Variants in EMILIN2 observed in about 807,000 individuals in gnomAD.
EMILIN2 encodes the protein EMILIN-2.
Under a neutral mutation model 87.1 loss-of-function variants are expected in EMILIN2, and 71 were observed. The observed-to-expected ratio is 0.82, with a 90% CI of 0.67 to 0.99. The LOEUF (loss-of-function observed/expected upper bound fraction) is 0.99. Ranked by LOEUF, EMILIN2 falls within the 50% of genes least tolerant of loss-of-function variation. EMILIN2 has a pLI of 0.00. For synonymous variants in EMILIN2, 581 were observed against 563.4 expected, an observed-to-expected ratio of 1.03 and a Z score of -0.44; for missense variants, 1,407 against 1,371.8, an observed-to-expected ratio of 1.03 and a Z score of -0.40.
chr18:2,903,837 G>A (rs1263486591), intron 4 of EMILIN2, among the ~76,000 whole-genome samples: 1 of 151,970 alleles, frequency 6.6e-6, no homozygotes, highest in Admixed American at 6.6e-5. Context: ...ACCTGGACTG[G>A]TTATTTTCTA....
At chr18:2,876,547 A>T (rs558935032) in intron 2 of EMILIN2, among the ~76,000 whole-genome samples, 2 of 146,994 alleles carry the variant, frequency 1.4e-5, no homozygotes, top group African/African-American at 5.0e-5. Context: ...TGGGTGGATC[A>T]CAAGGTCAGG....
intron 7 of EMILIN2, among the ~76,000 whole-genome samples, chr18:2,910,692 G>A (rs1169959723): frequency 1.3e-5 from 2 of 152,196 alleles, no homozygotes; most frequent in Non-Finnish European, 2.9e-5. Context: ...TAAGCCACTG[G>A]GAGGGAGGGG....
chr18:2,901,421 A>C (rs907063736), intron 4 of EMILIN2, among the ~76,000 whole-genome samples: 3 of 152,166 alleles, frequency 2.0e-5, no homozygotes, highest in Admixed American at 6.5e-5. Flanking sequence ...ATTATTGGGG[A>C]TTTTCTTAGG....
At chr18:2,849,750 T>C (rs866037828) in intron 2 of EMILIN2, among the ~76,000 whole-genome samples, 51 of 152,370 alleles carry the variant, frequency 3.3e-4, no homozygotes, top group South Asian at 1.0e-3. Flanking sequence ...AGTACTGCAC[T>C]GTAAGTGTGA....
chr18:2,889,796 G>A (rs2076825006), intron 3 of EMILIN2, among the ~76,000 whole-genome samples: 1 of 146,600 alleles, frequency 6.8e-6, no homozygotes, highest in African/African-American at 2.5e-5. Flanking sequence ...CCTAGTAACT[G>A]AGACTACAGG....
intron 2 of EMILIN2, among the ~76,000 whole-genome samples, chr18:2,856,638 G>A (rs987861066): frequency 4.6e-5 from 7 of 152,082 alleles, no homozygotes; most frequent in African/African-American, 7.2e-5. Flanking sequence ...AATCAAAAGC[G>A]GGGAAACCGT....
Position 2,892,424 on chromosome 18 carries a change from A to G in EMILIN2, c.2297A>G (p.Tyr766Cys). 6.2e-7 allele frequency: 1 copy of G among 1,613,354 alleles called. No homozygotes were observed. The highest frequency in any genetic ancestry group is 8.5e-7 in the Non-Finnish European group (1 of 1,179,646). ...SGLKNSVQQF[Y>C]SHVFQISTDL... ...CTGAAGAATTCAGTCCAGCAGTTCT[A>G]CAGCCACGTCTTCCAGATTTCTACT... is the stretch of plus-strand genomic sequence containing the variant. Residue 766 changes from tyrosine (Y) to cysteine (C), a missense_variant, in exon 4 of 8, where the codon TAC (tyrosine) becomes TGC (cysteine). Transcript: ENST00000254528.
rs537330434 is a variant in EMILIN2, at chr18:2,890,147, G to A, written c.434-414G>A. On this transcript the variant is annotated intron_variant, in intron 3 of 7. Transcript: ENST00000254528. The surrounding 1 kb of genome is among the most constrained non-coding windows in gnomAD (Gnocchi z 4.7). ...TTACTGTATGCAGTCAACTCTTGGGGTGTGGCTGCAGTTCACTAATATGGG... is the reference window on the plus strand; with the variant it reads ...TTACTGTATGCAGTCAACTCTTGGGATGTGGCTGCAGTTCACTAATATGGG... Among the ~76,000 whole-genome samples, 3 of 152,308 alleles carry A rather than the reference G, an allele frequency of 2.0e-5. No homozygotes were observed. Among genetic ancestry groups the A allele is most frequent in the Admixed American group, 2.0e-4 (3 of 15,302 alleles).
At chr18:2,912,340 C>G (rs1173147522) in intron 7 of EMILIN2, among the ~76,000 whole-genome samples, 1 of 152,140 alleles carries the variant, frequency 6.6e-6, no homozygotes, top group African/African-American at 2.4e-5. Context: ...CACGCATGGC[C>G]AGGACCACCC....
chr18:2,874,944 T>A (rs1348632735), intron 2 of EMILIN2, among the ~76,000 whole-genome samples: 1 of 152,200 alleles, frequency 6.6e-6, no homozygotes, highest in Non-Finnish European at 1.5e-5. Context: ...GGTCTGAAAT[T>A]GATTCCAAGT....
At chr18:2,858,583 G>GTGTGTGTGTGTGTGTGTGTATATATATA (rs1180735843) in intron 2 of EMILIN2, among the ~76,000 whole-genome samples, 1 of 63,064 alleles carries the variant, frequency 1.6e-5, no homozygotes, top group African/African-American at 9.4e-5. Context: ...GTGTGTGTGT[G>GTGTGTGTGTGTGTGTGTGTATATATATA]TATATATATA....
chr18:2,885,230 C>A, intron 3 of EMILIN2, 91 bp downstream of exon 3: 1 of 1,370,900 alleles, frequency 7.3e-7, no homozygotes, highest in Non-Finnish European at 9.7e-7. Context: ...CAATGGTGAG[C>A]TTTGAATGGC....
At chr18:2,864,351 G>C (rs1164875412) in intron 2 of EMILIN2, among the ~76,000 whole-genome samples, 1 of 152,172 alleles carries the variant, frequency 6.6e-6, no homozygotes, top group Non-Finnish European at 1.5e-5. Context: ...TTTTGCAGTG[G>C]CTGGTACCGG....
intron 4 of EMILIN2, among the ~76,000 whole-genome samples, chr18:2,904,342 G>GTTGTGTGTT (rs1243518473): frequency 6.6e-6 from 1 of 152,210 alleles, no homozygotes; most frequent in East Asian, 1.9e-4. Flanking sequence ...GTTCTGGGAA[G>GTTGTGTGTT]TTGTGTGTTT....
At position 2,905,567 on chromosome 18, in the gene EMILIN2, A is replaced by G. The variant is rs973280648; in HGVS notation, c.2360-1216A>G. ...TGCAGTCACCCTGTTGTGCTATCAG[A>G]TACTAGATCTTATTAACTCTGTCTA... On this transcript the variant is annotated intron_variant, in intron 4 of 7. Coordinates refer to ENST00000254528, the MANE Select transcript of EMILIN2 (RefSeq NM_032048.3). Among the ~76,000 whole-genome samples the G allele has an allele frequency of 7.9e-5, 12 of 152,028 alleles. No homozygotes were observed. In the East Asian group the frequency reaches 2.1e-3, roughly 27 times the overall value.
chr18:2,912,927 G>A, intron 7 of EMILIN2, 140 bp from the exon 8 acceptor site: 1 of 861,606 alleles, frequency 1.2e-6, no homozygotes, highest in Non-Finnish European at 1.8e-6. Context: ...AAAAGCAGCT[G>A]AGGCAGGCAG....
In EMILIN2 at chr18:2,850,473, A is replaced by G. The variant is rs188407330; in HGVS notation, c.257+2542A>G. Reference sequence around the variant, plus strand: ...CAGGCTGGGGTGCAGTGGCACCATCATAGTTCACTGCAACCTCTAACTGTT... The same window carrying G: ...CAGGCTGGGGTGCAGTGGCACCATCGTAGTTCACTGCAACCTCTAACTGTT... On this transcript the variant is annotated intron_variant, in intron 2 of 7. Transcript: ENST00000254528. Among the ~76,000 whole-genome samples, 315 of 151,884 alleles carry G rather than the reference A, an allele frequency of 2.1e-3. 1 individual carries two copies. Among genetic ancestry groups the G allele is most frequent in the African/African-American group, 7.3e-3 (303 of 41,400 alleles).
At chr18:2,903,224 G>A (rs1052813828) in intron 4 of EMILIN2, among the ~76,000 whole-genome samples, 1 of 152,086 alleles carries the variant, frequency 6.6e-6, no homozygotes, top group African/African-American at 2.4e-5. Context: ...CTGGGAGGCA[G>A]GCCAGCTTCT....
At chr18:2,863,792 G>A (rs908249613) in intron 2 of EMILIN2, among the ~76,000 whole-genome samples, 21 of 151,764 alleles carry the variant, frequency 1.4e-4, no homozygotes, top group African/African-American at 2.2e-4. Flanking sequence ...TTTCTGTCTC[G>A]TTGATCTGTC....
Sources: gnomAD v4.1 joint callset for allele counts (sites outside exome capture counted in the v4.1 genomes callset) on GRCh38, gnomAD v4.1.1 for gene constraint, Gnocchi (gnomAD v3.1) non-coding constraint, MANE v1.5 for transcripts, NCBI Gene and HGNC (gene_info 2026-07-23, HGNC 2026-07-21) for gene names.